Variants in FCER1G observed in about 807,000 individuals in gnomAD.
FCER1G encodes Fc epsilon receptor Ig, also known as high affinity immunoglobulin epsilon receptor subunit gamma.
In FCER1G, 7 loss-of-function variants were observed where a neutral mutation model predicts 17.3. That is an observed-to-expected ratio of 0.40 (90% CI 0.23 to 0.76). The LOEUF (loss-of-function observed/expected upper bound fraction) is 0.76. Ranked by LOEUF, FCER1G falls within the 30% of genes least tolerant of loss-of-function variation. The pLI is 0.35. For missense variants in FCER1G, 87 were observed against 97.7 expected (o/e 0.89, Z 0.46); for synonymous variants, 35 against 38.7 (o/e 0.90, Z 0.35).
intron 1 of FCER1G, among the ~76,000 whole-genome samples, chr1:161,217,673 G>A (rs537932887): frequency 1.1e-4 from 16 of 152,220 alleles, no homozygotes; most frequent in African/African-American, 3.6e-4. Context: ...GGTGGATAAA[G>A]TGCTCAATGG....
chr1:161,218,802 G>T, intron 4 of FCER1G, 79 bp downstream of exon 4: 2 of 1,586,836 alleles, frequency 1.3e-6, no homozygotes, highest in Non-Finnish European at 1.7e-6. Context: ...AGGCCGGTGG[G>T]GGGAGGGGGG....
intron 1 of FCER1G, among the ~76,000 whole-genome samples, chr1:161,216,162 TTAA>T (rs1394623437): frequency 6.6e-6 from 1 of 151,702 alleles, no homozygotes; most frequent in Non-Finnish European, 1.5e-5. Flanking sequence ...TCTAGCTGGT[TTAA>T]TATACAAAGC....
chr1:161,216,643 A>G (rs1471687422), intron 1 of FCER1G, among the ~76,000 whole-genome samples: 1 of 152,186 alleles, frequency 6.6e-6, no homozygotes, highest in East Asian at 1.9e-4. Flanking sequence ...AAATAGAGGC[A>G]GAAATGGGAA....
In FCER1G at chr1:161,218,088, G is replaced by T. The variant is rs919760511; in HGVS notation, c.141+11G>T. On this transcript the variant is annotated intron_variant, in intron 2 of 4. Coordinates refer to ENST00000289902, the MANE Select transcript of FCER1G (RefSeq NM_004106.2). The stretch of plus-strand genomic sequence containing the variant: ...TACTGTCGACTGAAGGTAGCGCTGG[G>T]CAGGGTGGGGTAAGGGCTGGAAGGG... The T allele has an allele frequency of 2.5e-6, 4 of 1,606,352 alleles. No individual in the cohort carries two copies. Among genetic ancestry groups the T allele is most frequent in the Non-Finnish European group, 3.4e-6 (4 of 1,172,962 alleles).
At chr1:161,218,832 G>T in intron 4 of FCER1G, 49 bp from the exon 5 acceptor site, 1 of 1,581,578 alleles carries the variant, frequency 6.3e-7, no homozygotes, top group Non-Finnish European at 8.7e-7. Flanking sequence ...GGTGGGAGGG[G>T]CCTCTGATGG....
At chr1:161,215,814 AACT>A (rs1666026795) in intron 1 of FCER1G, among the ~76,000 whole-genome samples, 1 of 151,854 alleles carries the variant, frequency 6.6e-6, no homozygotes, top group South Asian at 2.1e-4. Flanking sequence ...GGTAGTCTTG[AACT>A]CCTGACTCAA....
At chr1:161,218,651 G>A in intron 3 of FCER1G, 52 bp from the exon 4 acceptor site, 2 of 1,607,816 alleles carry the variant, frequency 1.2e-6, no homozygotes, top group Admixed American at 1.7e-5. Flanking sequence ...GATGCTGAGG[G>A]GCCCTGGAGA....
chr1:161,218,258 A>G lies in FCER1G; in HGVS notation c.159A>G (p.Ala53=), dbSNP rs1571631373. ...CATTCCAGATCCAAGTGCGAAAGGC[A>G]GCTATAACCAGCTATGAGGTATGGA... The part of the protein sequence containing the change: ...YCRLKIQVRK[A]AITSYEKSDG... Residue 53 remains alanine (A), a synonymous_variant, in exon 3 of 5, where the codon GCA becomes GCG. Coordinates refer to ENST00000289902, the MANE Select transcript of FCER1G (RefSeq NM_004106.2). 1.9e-6 allele frequency: 3 copies of G among 1,613,740 alleles called. No homozygotes were observed. The highest frequency in any genetic ancestry group is 2.2e-5 in the East Asian group (1 of 44,892).
rs369632774 is a variant in FCER1G at position 161,217,935 on chromosome 1, C to T, written c.50-51C>T. The T allele has an allele frequency of 2.6e-5, 32 of 1,251,266 alleles. No individual in the cohort carries two copies. In the African/African-American group the frequency reaches 3.5e-4, roughly 14 times the overall value. The allele number at this position is 1,251,266 out of a possible 1,614,324, so 77.5% of individuals were successfully genotyped here. ...CCCCTTCCCTTCTCTCCTCTGAGTA[C>T]CAGATCCTCCCTGATACCCCCGACC... On this transcript the variant is annotated intron_variant, in intron 1 of 4. Coordinates refer to ENST00000289902, the MANE Select transcript of FCER1G (RefSeq NM_004106.2).
chr1:161,216,429 G>T (rs61801081), intron 1 of FCER1G, among the ~76,000 whole-genome samples: 8,567 of 142,462 alleles, frequency 0.06, 260 homozygotes, highest in African/African-American at 0.074. Context: ...TATATATATA[G>T]AGAGAGAGAG....
intron 1 of FCER1G, among the ~76,000 whole-genome samples, chr1:161,216,945 A>G (rs908526113): frequency 1.3e-5 from 2 of 152,172 alleles, no homozygotes; most frequent in Admixed American, 6.5e-5. Flanking sequence ...TGGGCTTTAG[A>G]GGCAGAAAAC....
intron 1 of FCER1G, 146 bp from the exon 2 acceptor site, chr1:161,217,840 G>A (rs746720273): frequency 5.9e-6 from 4 of 674,378 alleles, no homozygotes; most frequent in Non-Finnish European, 1.1e-5. Flanking sequence ...AAGGGCAGTG[G>A]AAGGCCAGAG....
intron 2 of FCER1G, 23 bp from the exon 3 acceptor site, chr1:161,218,218 T>C: frequency 6.2e-7 from 1 of 1,612,038 alleles, no homozygotes; most frequent in Non-Finnish European, 8.5e-7. Flanking sequence ...TACCCTTTAC[T>C]GATAACCTTT....
rs1228649709 is a variant in FCER1G, at chr1:161,218,911, G to A, written c.229G>A (p.Glu77Lys). Residue 77 changes from glutamate to lysine, a missense_variant, in exon 5 of 5, where the codon GAG becomes AAG. Physicochemically the swap from Glu to Lys is moderately conservative, Grantham distance 56 (BLOSUM62 1). Transcript: ENST00000289902. ...GAGCACCAGGAACCAGGAGACTTAC[G>A]AGACTCTGAAGCATGAGAAACCACC... is the stretch of plus-strand genomic sequence containing the variant. ...GLSTRNQETY[E>K]TLKHEKPPQ The A allele has an allele frequency of 1.2e-6, 2 of 1,613,980 alleles. No homozygotes were observed. The highest frequency in any genetic ancestry group is 1.7e-6 in the Non-Finnish European group (2 of 1,179,896).
rs748954047 is a variant in FCER1G, at chr1:161,218,095, G to C, written c.141+18G>C. 1.1e-5 allele frequency: 17 copies of C among 1,598,524 alleles called. No homozygotes were observed. Among genetic ancestry groups the C allele is most frequent in the East Asian group, 2.2e-5 (1 of 44,792 alleles). ...GACTGAAGGTAGCGCTGGGCAGGGT[G>C]GGGTAAGGGCTGGAAGGGGAAGTGG... On this transcript the variant is annotated intron_variant, in intron 2 of 4. Coordinates refer to ENST00000289902, the MANE Select transcript of FCER1G (RefSeq NM_004106.2).
chr1:161,219,203 A>T lies in FCER1G; in HGVS notation c.*260A>T, dbSNP rs1048093967. ...TTCCCCATTCCCAACTCCAGCTAAAATATGGGAAGGGAGAACCCCCAATAA... is the reference window on the plus strand; with the variant it reads ...TTCCCCATTCCCAACTCCAGCTAAATTATGGGAAGGGAGAACCCCCAATAA... On this transcript the variant is annotated 3_prime_UTR_variant, in exon 5 of 5. Coordinates refer to ENST00000289902, the MANE Select transcript of FCER1G (RefSeq NM_004106.2). 12 of 510,716 alleles carry T rather than the reference A, an allele frequency of 2.3e-5. No homozygotes were observed. Among genetic ancestry groups the T allele is most frequent in the African/African-American group, 2.3e-4 (12 of 52,070 alleles). The allele number at this position is 510,716 out of a possible 1,614,324, so 31.6% of individuals were successfully genotyped here.
Position 161,218,069 on chromosome 1 carries a change from C to T in FCER1G, c.133C>T (p.Arg45Ter), listed in dbSNP as rs752641092. Residue 45 changes from arginine to a stop codon, truncating the protein, a stop_gained, in exon 2 of 5, where the codon CGA (arginine) becomes TGA (stop). Transcript: ENST00000289902. LOFTEE classifies it high-confidence loss of function. ...YGIVLTLLYC[R>*]LKIQVRKAAI... ...AATTGTCCTCACCCTCCTCTACTGT[C>T]GACTGAAGGTAGCGCTGGGCAGGGT... The T allele has an allele frequency of 3.1e-6, 5 of 1,612,476 alleles. No homozygotes were observed. The highest frequency in any genetic ancestry group is 2.2e-5 in the East Asian group (1 of 44,882).
chr1:161,215,878 C>T (rs1317238606), intron 1 of FCER1G, among the ~76,000 whole-genome samples: 2 of 151,808 alleles, frequency 1.3e-5, no homozygotes, highest in African/African-American at 4.8e-5. Context: ...TGGTGTGAGC[C>T]ACTGCACCCA....
Position 161,218,877 on chromosome 1 carries a change from C to G in FCER1G, c.199-4C>G, listed in dbSNP as rs113730786. On this transcript the variant is annotated splice_polypyrimidine_tract_variant and splice_region_variant and intron_variant, in intron 4 of 4. Transcript: ENST00000289902. ...CCTGATCGCCCTTTGACTCCCATCT[C>G]CAGGGCCTGAGCACCAGGAACCAGG... 8.7e-6 allele frequency: 14 copies of G among 1,613,534 alleles called. No individual in the cohort carries two copies. The African/African-American group carries it at 1.2e-4, about 14-fold the overall frequency.
Sources: allele counts gnomAD v4.1 joint callset (sites outside exome capture counted in the v4.1 genomes callset), GRCh38; gene constraint gnomAD v4.1.1; transcripts MANE v1.5; gene names NCBI Gene and HGNC (gene_info 2026-07-23, HGNC 2026-07-21).